The following CTNNA2 variants were observed in gnomAD, a reference collection of about 807,000 sequenced individuals.
The protein encoded by CTNNA2 is catenin alpha 2, also known as catenin alpha-2.
CTNNA2 carries 42 observed loss-of-function variants against 101.0 expected under a neutral mutation model. That is an observed-to-expected ratio of 0.42 (90% confidence interval 0.32 to 0.54). The LOEUF is 0.54. CTNNA2 is among the 20% of genes least tolerant of loss of function. The pLI, the probability that CTNNA2 is intolerant of heterozygous loss-of-function variation, is 0.14. For synonymous variants in CTNNA2, 450 were observed against 456.4 expected (o/e 0.99, Z 0.18); for missense variants, 871 against 1,223.1 (o/e 0.71, Z 4.29).
intron 1 of CTNNA2, among the ~76,000 whole-genome samples, chr2:79,188,806 G>A (rs1673815515): frequency 6.6e-6 from 1 of 152,178 alleles, no homozygotes; most frequent in Non-Finnish European, 1.5e-5. Flanking sequence ...TGTGAAAGAC[G>A]TTTATGCTTG....
chr2:79,194,979 C>G (rs1404565535), intron 1 of CTNNA2, among the ~76,000 whole-genome samples: 1 of 152,142 alleles, frequency 6.6e-6, no homozygotes, highest in African/African-American at 2.4e-5. Context: ...TTTCCAAGCC[C>G]TGCCTGGGGA....
intron 7 of CTNNA2, among the ~76,000 whole-genome samples, chr2:79,982,541 G>A (rs2103842784): frequency 6.7e-6 from 1 of 148,982 alleles, no homozygotes; most frequent in South Asian, 2.2e-4. Context: ...TGTAGAAATG[G>A]GGTCTCTCCA....
At chr2:80,279,319 A>G (rs1024188375) in intron 7 of CTNNA2, among the ~76,000 whole-genome samples, 1 of 151,974 alleles carries the variant, frequency 6.6e-6, no homozygotes, top group Non-Finnish European at 1.5e-5. Context: ...CTAGAGAGTT[A>G]TATTTCTTTC....
At chr2:80,232,341 G>GTTGTTTTTTT (rs1709276642) in intron 7 of CTNNA2, among the ~76,000 whole-genome samples, 4 of 82,054 alleles carry the variant, frequency 4.9e-5, no homozygotes, top group African/African-American at 1.3e-4. Context: ...TTGTTTGTTT[G>GTTGTTTTTTT]TTTGTTTTTT....
chr2:80,610,905 G>A (rs2149789159), intron 17 of CTNNA2, among the ~76,000 whole-genome samples: 1 of 151,642 alleles, frequency 6.6e-6, no homozygotes, highest in East Asian at 2.0e-4. Flanking sequence ...CATCATGACG[G>A]CGATCTGGAG....
At chr2:79,751,359 C>T (rs919957753) in intron 3 of CTNNA2, among the ~76,000 whole-genome samples, 2 of 151,846 alleles carry the variant, frequency 1.3e-5, no homozygotes, top group African/African-American at 4.8e-5. Context: ...TTTGGGAGGC[C>T]GAGGCAGGCA....
intron 1 of CTNNA2, among the ~76,000 whole-genome samples, chr2:79,532,260 G>A (rs1402870731): frequency 6.6e-6 from 1 of 152,036 alleles, no homozygotes; most frequent in Non-Finnish European, 1.5e-5. Context: ...TCTGTCCCTA[G>A]AAAGTAATTC....
At chr2:80,625,850 A>C (rs1272156690) in intron 18 of CTNNA2, among the ~76,000 whole-genome samples, 2 of 152,052 alleles carry the variant, frequency 1.3e-5, no homozygotes, top group African/African-American at 4.8e-5. Context: ...ATTTGGGGCC[A>C]AAAATCAAGT....
chr2:80,391,012 A>T (rs1397613176), intron 7 of CTNNA2, among the ~76,000 whole-genome samples: 1 of 151,778 alleles, frequency 6.6e-6, no homozygotes, highest in Non-Finnish European at 1.5e-5. Flanking sequence ...CATGTCTGTA[A>T]TCCCAGCTAT....
At chr2:79,842,246 T>C (rs1424039358) in intron 3 of CTNNA2, among the ~76,000 whole-genome samples, 1 of 152,230 alleles carries the variant, frequency 6.6e-6, no homozygotes, top group Admixed American at 6.5e-5. Flanking sequence ...AAAGCCCAAA[T>C]TCTGTAGCTA....
intron 3 of CTNNA2, among the ~76,000 whole-genome samples, chr2:79,357,602 G>T (rs1677536504): frequency 6.6e-6 from 1 of 152,072 alleles, no homozygotes; most frequent in Non-Finnish European, 1.5e-5. Flanking sequence ...CCAACTGAAA[G>T]ACAGCCAACC....
intron 3 of CTNNA2, among the ~76,000 whole-genome samples, chr2:79,315,681 A>G (rs1676480608): frequency 6.6e-6 from 1 of 152,132 alleles, no homozygotes; most frequent in African/African-American, 2.4e-5. Flanking sequence ...AGTTCTTTAC[A>G]CATTTTTGCT....
intron 7 of CTNNA2, among the ~76,000 whole-genome samples, chr2:80,055,000 C>A (rs768497850): frequency 6.6e-6 from 1 of 151,844 alleles, no homozygotes; most frequent in African/African-American, 2.4e-5. Flanking sequence ...TAATTTATGA[C>A]CCTGATTTTT....
chr2:79,584,883 C>G (rs920664697), intron 1 of CTNNA2, among the ~76,000 whole-genome samples: 1 of 152,166 alleles, frequency 6.6e-6, no homozygotes, highest in African/African-American at 2.4e-5. Context: ...GCACCAGTCT[C>G]ACATAGACAT....
rs146178589 is a variant in CTNNA2, at chr2:79,292,347, A to T, written c.-405-20362A>T. 2.5e-4 allele frequency among the ~76,000 whole-genome samples: 38 copies of T among 152,326 alleles called. 1 individual carries two copies. The highest frequency in any genetic ancestry group is 9.1e-4 in the African/African-American group (38 of 41,584). ...GAACATTTTCTATGCTGAATGCCAT[A>T]GTTCACTCTGCAGTCACTGAGAGCT... On this transcript the variant is annotated intron_variant, in intron 2 of 21. Transcript: ENST00000466387.
chr2:79,505,753 A>G (rs140798038), intron 5 of CTNNA2, among the ~76,000 whole-genome samples: 50 of 152,342 alleles, frequency 3.3e-4, no homozygotes, highest in African/African-American at 1.0e-3. Context: ...GGGAATAGAC[A>G]TTGGATAATC....
At chr2:80,523,294 G>GTAAA (rs1689733384) in intron 9 of CTNNA2, among the ~76,000 whole-genome samples, 2 of 152,152 alleles carry the variant, frequency 1.3e-5, no homozygotes, top group Non-Finnish European at 1.5e-5. Flanking sequence ...CAAAGGCTGA[G>GTAAA]TAAATATGAA....
intron 7 of CTNNA2, among the ~76,000 whole-genome samples, chr2:80,044,891 C>T (rs1414895893): frequency 6.6e-6 from 1 of 152,100 alleles, no homozygotes; most frequent in African/African-American, 2.4e-5. Flanking sequence ...ATAAACTGAT[C>T]TAACCTCCAA....
At chr2:79,684,275 G>T (rs1428688878) in intron 2 of CTNNA2, among the ~76,000 whole-genome samples, 1 of 152,116 alleles carries the variant, frequency 6.6e-6, no homozygotes, top group Non-Finnish European at 1.5e-5. Flanking sequence ...AATACTTTAT[G>T]ATATTTTCTA....
Sources: gnomAD v4.1 joint callset for allele counts (sites outside exome capture counted in the v4.1 genomes callset) on GRCh38, gnomAD v4.1.1 for gene constraint, MANE v1.5 for transcripts, NCBI Gene and HGNC (gene_info 2026-07-23, HGNC 2026-07-21) for gene names.